LNP1: variants seen among roughly 807,000 people sequenced by gnomAD.
LNP1 encodes the protein leukemia NUP98 fusion partner 1.
Under a neutral mutation model 14.5 loss-of-function variants are expected in LNP1, and 12 were observed. That is an observed-to-expected ratio of 0.83 (90% CI 0.53 to 1.34). The LOEUF is 1.34. Among genes scored for constraint, LNP1 ranks in the 40% most tolerant of loss-of-function variants. The pLI is 0.00. For missense variants in LNP1, 198 were observed against 210.9 expected (o/e 0.94, Z 0.38); for synonymous variants, 75 against 71.4 (o/e 1.05, Z -0.26).
intron 1 of LNP1, among the ~76,000 whole-genome samples, chr3:100,425,026 C>A (rs1255646690): frequency 6.6e-6 from 1 of 152,208 alleles, no homozygotes; most frequent in South Asian, 2.1e-4. Context: ...CCCGAGGCAT[C>A]AATTCGAGCA....
chr3:100,449,755 G>A (rs977515133), intron 2 of LNP1, among the ~76,000 whole-genome samples: 2 of 151,806 alleles, frequency 1.3e-5, no homozygotes, highest in African/African-American at 2.4e-5. Flanking sequence ...TTTTAATTAA[G>A]CTTACTTTAG....
chr3:100,421,476 A>AC (rs1051638886), intron 1 of LNP1, among the ~76,000 whole-genome samples: 2 of 152,192 alleles, frequency 1.3e-5, no homozygotes, highest in Admixed American at 1.3e-4. Flanking sequence ...ATTAATTATC[A>AC]CCCTGTATTG....
chr3:100,453,879 A>AT (rs1014338520), intron 3 of LNP1, among the ~76,000 whole-genome samples: 1 of 152,158 alleles, frequency 6.6e-6, no homozygotes, highest in South Asian at 2.1e-4. Flanking sequence ...CCTTACTTAT[A>AT]TTTTTTTGCC....
intron 1 of LNP1, among the ~76,000 whole-genome samples, chr3:100,409,175 C>T (rs1707000432): frequency 6.6e-6 from 1 of 152,108 alleles, no homozygotes; most frequent in African/African-American, 2.4e-5. Flanking sequence ...AGAGGGAACT[C>T]CTCCTCCCTA....
chr3:100,443,640 T>C (rs557985213), intron 2 of LNP1, among the ~76,000 whole-genome samples: 1 of 152,198 alleles, frequency 6.6e-6, no homozygotes, highest in Non-Finnish European at 1.5e-5. Context: ...AGGAATTGCG[T>C]AGACAAGTTT....
At chr3:100,444,208 T>A (rs1707368721) in intron 2 of LNP1, among the ~76,000 whole-genome samples, 1 of 151,996 alleles carries the variant, frequency 6.6e-6, no homozygotes, top group South Asian at 2.1e-4. Flanking sequence ...TAAAACCACC[T>A]CCTAAAGAGG....
At chr3:100,451,672 T>C (rs762568934) in intron 2 of LNP1, 47 bp from the exon 3 acceptor site, 6 of 975,708 alleles carry the variant, frequency 6.1e-6, no homozygotes, top group African/African-American at 1.6e-5. Context: ...TGTGCTAACA[T>C]TGCACAGTCC....
At chr3:100,453,999 G>T (rs1005362353) in intron 3 of LNP1, among the ~76,000 whole-genome samples, 1 of 152,036 alleles carries the variant, frequency 6.6e-6, no homozygotes, top group Non-Finnish European at 1.5e-5. Flanking sequence ...GTCTTTCCTT[G>T]TCTTTCACGA....
chr3:100,420,671 T>A (rs1707135431), intron 1 of LNP1, among the ~76,000 whole-genome samples: 1 of 152,146 alleles, frequency 6.6e-6, no homozygotes, highest in African/African-American at 2.4e-5. Context: ...GAAAGTTTTT[T>A]AAAAAATGTA....
intron 1 of LNP1, among the ~76,000 whole-genome samples, chr3:100,428,838 C>T (rs1447013123): frequency 2.6e-5 from 4 of 152,186 alleles, no homozygotes; most frequent in Admixed American, 2.0e-4. Flanking sequence ...ATCTCACTGA[C>T]ATCATGTTGA....
intron 1 of LNP1, among the ~76,000 whole-genome samples, chr3:100,426,645 G>A (rs570862610): frequency 3.3e-5 from 5 of 152,120 alleles, no homozygotes; most frequent in African/African-American, 4.8e-5. Flanking sequence ...AATTCAAAAG[G>A]TGTTTTTTCC....
intron 2 of LNP1, among the ~76,000 whole-genome samples, chr3:100,430,731 T>C (rs1487798449): frequency 2.6e-5 from 4 of 152,204 alleles, no homozygotes. Context: ...GGTAATATTA[T>C]TTTATTTTTA....
intron 2 of LNP1, among the ~76,000 whole-genome samples, chr3:100,451,050 G>A (rs2148908519): frequency 6.6e-6 from 1 of 152,306 alleles, no homozygotes; most frequent in East Asian, 1.9e-4. Flanking sequence ...CTGGTACCAA[G>A]CAGCAATGGG....
At chr3:100,430,684 C>CTGT (rs1336062458) in intron 2 of LNP1, among the ~76,000 whole-genome samples, 3 of 152,350 alleles carry the variant, frequency 2.0e-5, no homozygotes, top group African/African-American at 7.2e-5. Context: ...CAATCCCCTG[C>CTGT]TGTTGCCAAC....
chr3:100,449,934 C>T (rs1215306378), intron 2 of LNP1, among the ~76,000 whole-genome samples: 1 of 152,200 alleles, frequency 6.6e-6, no homozygotes, highest in Non-Finnish European at 1.5e-5. Flanking sequence ...AGCTATCAAA[C>T]TGCAATGCGG....
chr3:100,411,839 C>T (rs565510441), intron 1 of LNP1, among the ~76,000 whole-genome samples: 3 of 152,272 alleles, frequency 2.0e-5, no homozygotes, highest in Admixed American at 6.5e-5. Flanking sequence ...CAAATACCAT[C>T]GCATTGGGGG....
At chr3:100,441,767 AT>A (rs1268777161) in intron 2 of LNP1, among the ~76,000 whole-genome samples, 2 of 151,984 alleles carry the variant, frequency 1.3e-5, no homozygotes, top group Admixed American at 6.6e-5. Context: ...AGTTCAGGTG[AT>A]TCTTGTGCCT....
intron 1 of LNP1, among the ~76,000 whole-genome samples, chr3:100,402,793 T>TA (rs1390427391): frequency 1.3e-5 from 2 of 152,102 alleles, no homozygotes; most frequent in Admixed American, 6.5e-5. Flanking sequence ...AATACACTGT[T>TA]ACGGTTAAAC....
chr3:100,419,252 T>C (rs992300208), intron 1 of LNP1, among the ~76,000 whole-genome samples: 9 of 152,220 alleles, frequency 5.9e-5, no homozygotes, highest in South Asian at 2.1e-4. Flanking sequence ...ATTTTGGTCC[T>C]GTAGCTACCC....
Sources: gnomAD v4.1 joint callset for allele counts (sites outside exome capture counted in the v4.1 genomes callset) on GRCh38, gnomAD v4.1.1 for gene constraint, MANE v1.5 for transcripts, NCBI Gene and HGNC (gene_info 2026-07-23, HGNC 2026-07-21) for gene names.